The following TMTC2 variants were observed in gnomAD, a reference collection of about 807,000 sequenced individuals.
TMTC2 encodes the protein protein O-mannosyl-transferase TMTC2.
Under a neutral mutation model 82.4 loss-of-function variants are expected in TMTC2, and 43 were observed. That is an observed-to-expected ratio of 0.52 (90% CI 0.41 to 0.67). The LOEUF is 0.67. TMTC2 is among the 30% of genes least tolerant of loss of function. The pLI is 0.00. For missense variants in TMTC2, 919 were observed against 1,012.4 expected (o/e 0.91, Z 1.25); for synonymous variants, 408 against 381.9 (o/e 1.07, Z -0.80).
At chr12:83,129,797 A>C (rs1262204445) in intron 11 of TMTC2, among the ~76,000 whole-genome samples, 2 of 152,220 alleles carry the variant, frequency 1.3e-5, no homozygotes, top group Admixed American at 6.5e-5. Context: ...TATTTACAGC[A>C]ACAAAATGCT....
intron 8 of TMTC2, among the ~76,000 whole-genome samples, chr12:82,992,818 C>T (rs956861258): frequency 6.6e-6 from 1 of 152,066 alleles, no homozygotes; most frequent in African/African-American, 2.4e-5. Context: ...TTTTGTATGT[C>T]ACTTAGTAGA....
At chr12:82,883,900 G>T (rs1156716158) in intron 2 of TMTC2, among the ~76,000 whole-genome samples, 1 of 152,034 alleles carries the variant, frequency 6.6e-6, no homozygotes, top group Non-Finnish European at 1.5e-5. Flanking sequence ...TTTTGTTGTT[G>T]TTTCTCAGGT....
chr12:83,132,155 T>C, intron 11 of TMTC2, 55 bp from the exon 12 acceptor site: 1 of 1,539,704 alleles, frequency 6.5e-7, no homozygotes, highest in Non-Finnish European at 8.7e-7. Context: ...TTGTTTTCCA[T>C]GAAGGAAAGC....
intron 1 of TMTC2, among the ~76,000 whole-genome samples, chr12:82,695,001 C>G (rs1208586414): frequency 6.6e-6 from 1 of 152,190 alleles, no homozygotes; most frequent in Non-Finnish European, 1.5e-5. Context: ...CCTAGGAATT[C>G]TCACTTGACA....
At chr12:82,844,189 C>A (rs1016467483) in intron 1 of TMTC2, among the ~76,000 whole-genome samples, 5 of 152,178 alleles carry the variant, frequency 3.3e-5, no homozygotes, top group Non-Finnish European at 7.3e-5. Flanking sequence ...CCAGAGGGTA[C>A]TTTTCCTATT....
At chr12:82,950,173 T>G (rs1281554490) in intron 4 of TMTC2, among the ~76,000 whole-genome samples, 1 of 152,146 alleles carries the variant, frequency 6.6e-6, no homozygotes, top group Non-Finnish European at 1.5e-5. Context: ...GACAGCTACA[T>G]TATCATGGAC....
At chr12:82,934,317 T>C (rs1274470695) in intron 4 of TMTC2, among the ~76,000 whole-genome samples, 7 of 152,140 alleles carry the variant, frequency 4.6e-5, no homozygotes, top group Non-Finnish European at 1.0e-4. Context: ...GCCATGGTGG[T>C]TTGCTGCACC....
chr12:83,009,077 G>A (rs1880332960), intron 8 of TMTC2, among the ~76,000 whole-genome samples: 2 of 152,178 alleles, frequency 1.3e-5, no homozygotes, highest in Admixed American at 6.5e-5. Context: ...TTCTACTTGT[G>A]TAACTCCTAA....
At chr12:82,894,826 G>A (rs1873574859) in intron 2 of TMTC2, among the ~76,000 whole-genome samples, 1 of 152,042 alleles carries the variant, frequency 6.6e-6, no homozygotes, top group African/African-American at 2.4e-5. Context: ...TTGAGTCGGA[G>A]TCTCACTCTG....
intron 2 of TMTC2, among the ~76,000 whole-genome samples, chr12:82,888,642 T>G (rs1233509022): frequency 6.6e-6 from 1 of 152,188 alleles, no homozygotes; most frequent in Non-Finnish European, 1.5e-5. Flanking sequence ...AGCATAATGG[T>G]ATAAAATGTG....
chr12:82,959,744 C>G (rs1877818194), intron 4 of TMTC2, among the ~76,000 whole-genome samples: 1 of 152,014 alleles, frequency 6.6e-6, no homozygotes, highest in Non-Finnish European at 1.5e-5. Flanking sequence ...CTAAGAGACA[C>G]CATTCTGACC....
rs115645161 is a variant in TMTC2, at chr12:82,765,401, G to A, written c.83+77732G>A. Among the ~76,000 whole-genome samples the A allele has an allele frequency of 8.7e-3, 1,329 of 152,202 alleles. 19 individuals are homozygous for A. The highest frequency in any genetic ancestry group is 0.031 in the African/African-American group (1,287 of 41,532). On this transcript the variant is annotated intron_variant, in intron 1 of 11. Transcript: ENST00000321196. Reference sequence around the variant, plus strand: ...AAAACAGGTGCCTTGCTGGCCGGGCGCGGCAGCTCGTGCCTGTAATCCCAG... The same window carrying A: ...AAAACAGGTGCCTTGCTGGCCGGGCACGGCAGCTCGTGCCTGTAATCCCAG...
intron 4 of TMTC2, among the ~76,000 whole-genome samples, chr12:82,937,742 G>GTA (rs1876411136): frequency 2.9e-5 from 1 of 34,444 alleles, no homozygotes; most frequent in Non-Finnish European, 7.2e-5. Context: ...GTGTGTGTGT[G>GTA]TGTGTGTGTA....
chr12:82,817,260 C>T (rs144910107), intron 1 of TMTC2, among the ~76,000 whole-genome samples: 4,337 of 152,076 alleles, frequency 0.029, 200 homozygotes, highest in African/African-American at 0.099. Context: ...TGAGCCACAG[C>T]GCCCGGCTAG....
chr12:82,823,267 C>T (rs2137065939), intron 1 of TMTC2, among the ~76,000 whole-genome samples: 1 of 152,294 alleles, frequency 6.6e-6, no homozygotes, highest in South Asian at 2.1e-4. Flanking sequence ...TCTCACAGAA[C>T]TCGGGACCAC....
chr12:82,721,403 TG>T (rs1346459933), intron 1 of TMTC2, among the ~76,000 whole-genome samples: 4 of 152,190 alleles, frequency 2.6e-5, no homozygotes, highest in African/African-American at 7.2e-5. Flanking sequence ...TAGTTTAAAT[TG>T]TTTTTTTAAT....
chr12:82,816,927 T>C (rs1318944969), intron 1 of TMTC2, among the ~76,000 whole-genome samples: 2 of 151,702 alleles, frequency 1.3e-5, no homozygotes, highest in Non-Finnish European at 2.9e-5. Flanking sequence ...TATATGAACA[T>C]AGGAACAAAA....
intron 1 of TMTC2, among the ~76,000 whole-genome samples, chr12:82,719,193 A>C (rs1405634511): frequency 7.0e-6 from 1 of 143,766 alleles, no homozygotes; most frequent in Non-Finnish European, 1.5e-5. Flanking sequence ...TCCCAGATTC[A>C]AGCAATTCTC....
At chr12:82,971,483 A>G (rs1166882550) in intron 7 of TMTC2, among the ~76,000 whole-genome samples, 1 of 151,966 alleles carries the variant, frequency 6.6e-6, no homozygotes, top group Non-Finnish European at 1.5e-5. Context: ...TACTCCTATT[A>G]TCTCTACTTA....
Sources: gnomAD v4.1 joint callset for allele counts (sites outside exome capture counted in the v4.1 genomes callset) on GRCh38, gnomAD v4.1.1 for gene constraint, MANE v1.5 for transcripts, NCBI Gene and HGNC (gene_info 2026-07-23, HGNC 2026-07-21) for gene names.